Variants in CDH18 observed in about 807,000 individuals in gnomAD.
CDH18 encodes cadherin-18.
A neutral mutation model predicts 67.9 loss-of-function variants in CDH18; 31 were observed. That is an observed-to-expected ratio of 0.46 (90% confidence interval 0.34 to 0.62). CDH18 has a LOEUF of 0.62. Among genes scored for constraint, CDH18 ranks in the 20% least tolerant of loss-of-function variants. The pLI, the probability that CDH18 is intolerant of heterozygous loss-of-function variation, is 0.01. For synonymous variants in CDH18, 362 were observed against 347.2 expected, an observed-to-expected ratio of 1.04 and a Z score of -0.48; for missense variants, 890 against 975.5, an observed-to-expected ratio of 0.91 and a Z score of 1.17.
At chr5:20,132,375 C>T (rs1287968086) in intron 2 of CDH18, among the ~76,000 whole-genome samples, 1 of 151,862 alleles carries the variant, frequency 6.6e-6, no homozygotes, top group African/African-American at 2.4e-5. Context: ...CTATATTTAT[C>T]AGTTTTCTCT....
chr5:20,272,375 G>T (rs1745501262), intron 1 of CDH18, among the ~76,000 whole-genome samples: 1 of 149,286 alleles, frequency 6.7e-6, no homozygotes, highest in African/African-American at 2.6e-5. Context: ...AACTTTTTTT[G>T]TTTGTTTGTT....
intron 1 of CDH18, among the ~76,000 whole-genome samples, chr5:20,444,960 T>C (rs1307019942): frequency 6.6e-6 from 1 of 152,166 alleles, no homozygotes; most frequent in Non-Finnish European, 1.5e-5. Flanking sequence ...GTGTTATCAT[T>C]TATATATAAT....
intron 5 of CDH18, among the ~76,000 whole-genome samples, chr5:19,643,733 G>A (rs759401832): frequency 6.6e-6 from 1 of 152,034 alleles, no homozygotes; most frequent in Non-Finnish European, 1.5e-5. Context: ...TCTTAGTTAT[G>A]CAAAATAAAT....
At chr5:20,390,207 C>T (rs942599394) in intron 1 of CDH18, among the ~76,000 whole-genome samples, 4 of 151,564 alleles carry the variant, frequency 2.6e-5, no homozygotes, top group Non-Finnish European at 2.9e-5. Flanking sequence ...AGGCAACCTA[C>T]AGAATGGGAG....
chr5:19,961,737 T>G (rs1314001596), intron 2 of CDH18, among the ~76,000 whole-genome samples: 1 of 152,086 alleles, frequency 6.6e-6, no homozygotes, highest in Non-Finnish European at 1.5e-5. Flanking sequence ...TTCTCTTAAT[T>G]TTAATGTTTC....
At chr5:20,452,550 A>G (rs1423541495) in intron 1 of CDH18, among the ~76,000 whole-genome samples, 1 of 152,128 alleles carries the variant, frequency 6.6e-6, no homozygotes, top group Non-Finnish European at 1.5e-5. Flanking sequence ...AGTAAGAGCT[A>G]AATAACAATA....
intron 1 of CDH18, among the ~76,000 whole-genome samples, chr5:20,566,650 C>T (rs1331761841): frequency 2.0e-5 from 3 of 150,024 alleles, no homozygotes; most frequent in South Asian, 2.1e-4. Flanking sequence ...GCTGGGATTA[C>T]AAGTGTGAGC....
chr5:20,213,287 T>C (rs1483378061), intron 2 of CDH18, among the ~76,000 whole-genome samples: 1 of 152,136 alleles, frequency 6.6e-6, no homozygotes, highest in East Asian at 1.9e-4. Flanking sequence ...TAGTTTACTG[T>C]CTTATACGGG....
intron 2 of CDH18, among the ~76,000 whole-genome samples, chr5:19,877,445 T>G (rs751919976): frequency 5.3e-5 from 8 of 152,054 alleles, no homozygotes; most frequent in African/African-American, 1.9e-4. Flanking sequence ...AGGATAGTCA[T>G]AAAGGTAGAT....
At chr5:20,042,824 T>C (rs1561742124) in intron 2 of CDH18, among the ~76,000 whole-genome samples, 2 of 151,976 alleles carry the variant, frequency 1.3e-5, no homozygotes, top group Non-Finnish European at 2.9e-5. Context: ...TAGCCGGGCG[T>C]GCTGGCGGGC....
intron 6 of CDH18, among the ~76,000 whole-genome samples, chr5:19,611,324 GC>G (rs1748925600): frequency 6.6e-6 from 1 of 152,020 alleles, no homozygotes; most frequent in South Asian, 2.1e-4. Context: ...ATGCAAAAGT[GC>G]TGTGCAAGAG....
chr5:20,246,627 C>A (rs531599589), intron 2 of CDH18, among the ~76,000 whole-genome samples: 1 of 152,180 alleles, frequency 6.6e-6, no homozygotes, highest in Admixed American at 6.5e-5. Flanking sequence ...AAACCAATGG[C>A]TTTGATTACC....
At chr5:19,518,507 G>A (rs529710339) in intron 10 of CDH18, among the ~76,000 whole-genome samples, 3 of 152,134 alleles carry the variant, frequency 2.0e-5, no homozygotes, top group African/African-American at 7.2e-5. Context: ...CAATCTGGGT[G>A]GGCACCATCT....
intron 2 of CDH18, among the ~76,000 whole-genome samples, chr5:19,962,497 G>A (rs1446575281): frequency 6.6e-6 from 1 of 151,832 alleles, no homozygotes; most frequent in Non-Finnish European, 1.5e-5. Context: ...AAGGGGGCGG[G>A]GCGTGGTGGC....
intron 2 of CDH18, among the ~76,000 whole-genome samples, chr5:20,229,877 T>C (rs1286054137): frequency 1.3e-5 from 2 of 152,154 alleles, no homozygotes; most frequent in Non-Finnish European, 2.9e-5. Flanking sequence ...AAATTAATAA[T>C]ATGATTACAG....
At chr5:20,346,698 C>T (rs1740728662) in intron 1 of CDH18, among the ~76,000 whole-genome samples, 1 of 152,066 alleles carries the variant, frequency 6.6e-6, no homozygotes, top group Non-Finnish European at 1.5e-5. Context: ...CACAAAGTCC[C>T]TTCCCATTAA....
chr5:20,339,023 G>T (rs980207495), intron 1 of CDH18, among the ~76,000 whole-genome samples: 2 of 152,170 alleles, frequency 1.3e-5, no homozygotes, highest in African/African-American at 4.8e-5. Context: ...GAGGGAAAAA[G>T]AAGACAGAGG....
Position 19,622,224 on chromosome 5 carries a change from T to C in CDH18, c.644-9623A>G, listed in dbSNP as rs562392769. On this transcript the variant is annotated intron_variant, in intron 5 of 12. Transcript: ENST00000382275. ...ATTGTAGGGAATTTCCTTCAAGAGA[T>C]GGCAGAAACATGGTAAGTAAACTCG... Among the ~76,000 whole-genome samples the C allele has an allele frequency of 2.2e-4, 34 of 152,266 alleles. No homozygotes were observed. In the South Asian group the frequency reaches 2.9e-3, roughly 13 times the overall value.
intron 1 of CDH18, among the ~76,000 whole-genome samples, chr5:20,544,743 T>C (rs1315925653): frequency 6.6e-6 from 1 of 152,148 alleles, no homozygotes; most frequent in Non-Finnish European, 1.5e-5. Context: ...GAGATTTGGG[T>C]GGGGACACAG....
Sources: allele counts gnomAD v4.1 joint callset (sites outside exome capture counted in the v4.1 genomes callset), GRCh38; gene constraint gnomAD v4.1.1; transcripts MANE v1.5; gene names NCBI Gene and HGNC (gene_info 2026-07-23, HGNC 2026-07-21).